Variants in KCNQ3 observed in about 807,000 individuals in gnomAD.
KCNQ3 encodes potassium voltage-gated channel subfamily Q member 3.
KCNQ3 carries 30 observed loss-of-function variants against 92.5 expected under a neutral mutation model. The observed-to-expected ratio is 0.32, with a 90% CI of 0.24 to 0.44. The LOEUF (loss-of-function observed/expected upper bound fraction) is 0.44. Among genes scored for constraint, KCNQ3 ranks in the 20% least tolerant of loss-of-function variants. KCNQ3 has a pLI of 1.00. For missense variants in KCNQ3, 913 were observed against 1,140.3 expected, an observed-to-expected ratio of 0.80 and a Z score of 2.87; for synonymous variants, 450 against 468.8, an observed-to-expected ratio of 0.96 and a Z score of 0.52.
chr8:132,372,596 A>G (rs187029686), intron 1 of KCNQ3, among the ~76,000 whole-genome samples: 137 of 152,018 alleles, frequency 9.0e-4, no homozygotes, highest in African/African-American at 3.2e-3. Context: ...TCTCTACTAA[A>G]AATACAAAAA....
intron 8 of KCNQ3, among the ~76,000 whole-genome samples, chr8:132,166,080 G>A (rs56692991): frequency 0.073 from 11,098 of 152,258 alleles, 472 homozygotes; most frequent in South Asian, 0.12. Context: ...TTTCTACATC[G>A]TGGGCGAAGT....
chr8:132,249,973 C>A (rs1345301942), intron 1 of KCNQ3, among the ~76,000 whole-genome samples: 1 of 152,152 alleles, frequency 6.6e-6, no homozygotes, highest in Non-Finnish European at 1.5e-5. Flanking sequence ...CGAGCCCATG[C>A]CCACCCGGAA....
At chr8:132,422,037 C>T (rs749019852) in intron 1 of KCNQ3, among the ~76,000 whole-genome samples, 42 of 152,196 alleles carry the variant, frequency 2.8e-4, no homozygotes, top group Non-Finnish European at 4.3e-4. Context: ...CTCAGAGCTA[C>T]AGCCTTTCTA....
At chr8:132,186,601 A>G (rs913132079) in intron 1 of KCNQ3, 21 of 315,984 alleles carry the variant, frequency 6.6e-5, no homozygotes, top group African/African-American at 4.4e-4. Context: ...ATGTTTTCTT[A>G]GAATGAAGAA....
At chr8:132,330,852 T>C (rs907271812) in intron 1 of KCNQ3, among the ~76,000 whole-genome samples, 1 of 152,180 alleles carries the variant, frequency 6.6e-6, no homozygotes, top group Non-Finnish European at 1.5e-5. Context: ...CTGTCAGTTG[T>C]TGTGTCCCAG....
intron 1 of KCNQ3, among the ~76,000 whole-genome samples, chr8:132,330,348 A>G (rs796096006): frequency 5.3e-5 from 8 of 152,350 alleles, no homozygotes; most frequent in African/African-American, 1.9e-4. Flanking sequence ...GTACTTCATT[A>G]TGGCCATCTC....
chr8:132,476,901 T>C lies in KCNQ3; in HGVS notation c.386+3246A>G, dbSNP rs2130871293. On this transcript the variant is annotated intron_variant, in intron 1 of 14. Transcript: ENST00000388996. Reference sequence around the variant, plus strand: ...CCCACCCAACTCTCGTCTCAAATTATAATACCCACATATTGTGGGAGTCGC... The same window carrying C: ...CCCACCCAACTCTCGTCTCAAATTACAATACCCACATATTGTGGGAGTCGC... Among the ~76,000 whole-genome samples the C allele has an allele frequency of 1.3e-5, 2 of 152,292 alleles. 1 individual carries two copies. The highest frequency in any genetic ancestry group is 4.1e-4 in the South Asian group (2 of 4,824).
chr8:132,352,436 T>C (rs1232368804), intron 1 of KCNQ3, among the ~76,000 whole-genome samples: 2 of 152,064 alleles, frequency 1.3e-5, no homozygotes, highest in Non-Finnish European at 2.9e-5. Context: ...TGGCCAGAAA[T>C]GTCAACAATG....
intron 1 of KCNQ3, among the ~76,000 whole-genome samples, chr8:132,341,116 C>T (rs1253256075): frequency 1.3e-5 from 2 of 152,220 alleles, no homozygotes; most frequent in East Asian, 3.9e-4. Flanking sequence ...TTCTACCGGA[C>T]AGTTCTGGTC....
rs541623305 is a variant in KCNQ3, at chr8:132,131,403, C to T, written c.1884+777G>A. ...CATGGTGCTGTGAGTGAGCGGGTTTCTCTTTCCACCTTGAATGGATCTCAC... is the reference window on the plus strand; with the variant it reads ...CATGGTGCTGTGAGTGAGCGGGTTTTTCTTTCCACCTTGAATGGATCTCAC... On this transcript the variant is annotated intron_variant, in intron 14 of 14. Coordinates refer to ENST00000388996, the MANE Select transcript of KCNQ3 (RefSeq NM_004519.4). Among the ~76,000 whole-genome samples the T allele has an allele frequency of 3.3e-5, 5 of 152,280 alleles. No individual in the cohort carries two copies. In the South Asian group the frequency reaches 1.0e-3, roughly 32 times the overall value.
chr8:132,300,789 A>C (rs1004438538), intron 1 of KCNQ3, among the ~76,000 whole-genome samples: 1 of 152,208 alleles, frequency 6.6e-6, no homozygotes, highest in Non-Finnish European at 1.5e-5. Context: ...CAACTCTGGC[A>C]GGTTAATTCT....
rs749712918 is a variant in KCNQ3, at chr8:132,137,919, C to T, written c.1666G>A (p.Asp556Asn). ...AGGTACTTTATCCTGGAAAGCATGT[C>T]GAGATGCCCGGCAGAATACTGCTCA... ...VIEQYSAGHL[D>N]MLSRIKYLQT... Residue 556 changes from aspartate (D) to asparagine (N), a missense_variant, in exon 12 of 15, where the codon GAC becomes AAC. This residue lies in a region of KCNQ3 where 182 missense variants were observed against 234.5 expected (regional missense o/e 0.78). Transcript: ENST00000388996. 2.5e-6 allele frequency: 4 copies of T among 1,613,888 alleles called. No individual in the cohort carries two copies. Among genetic ancestry groups the T allele is most frequent in the Non-Finnish European group, 3.4e-6 (4 of 1,179,996 alleles).
At position 132,285,453 on chromosome 8, in the gene KCNQ3, G is replaced by C. The variant is rs141041418; in HGVS notation, c.387-99272C>G. On this transcript the variant is annotated intron_variant, in intron 1 of 14. Transcript: ENST00000388996. ...CACTGTGTCCATGCCCTAGGGCTTT[G>C]TAGAAGGCCAAACTTAGGAGCAATG... Among the ~76,000 whole-genome samples the C allele has an allele frequency of 2.6e-5, 4 of 152,344 alleles. No individual in the cohort carries two copies. The East Asian group carries it at 7.7e-4, about 29-fold the overall frequency.
chr8:132,413,650 A>C (rs967595691), intron 1 of KCNQ3, among the ~76,000 whole-genome samples: 15 of 152,246 alleles, frequency 9.9e-5, no homozygotes, highest in Admixed American at 8.5e-4. Flanking sequence ...TGTGTGCTGC[A>C]ATGGTTAAAA....
chr8:132,217,072 C>T (rs549959796), intron 1 of KCNQ3, among the ~76,000 whole-genome samples: 56 of 152,244 alleles, frequency 3.7e-4, no homozygotes, highest in African/African-American at 1.3e-3. Context: ...AAAATTATAT[C>T]TTTTGCATCT....
chr8:132,172,799 T>C, intron 6 of KCNQ3, 106 bp from the exon 7 acceptor site: 1 of 800,244 alleles, frequency 1.2e-6, no homozygotes, highest in Admixed American at 1.8e-5. Flanking sequence ...GCACTTCAAG[T>C]CCTTGCAGTG....
chr8:132,294,879 T>C (rs1266773450), intron 1 of KCNQ3, among the ~76,000 whole-genome samples: 2 of 152,162 alleles, frequency 1.3e-5, no homozygotes, highest in African/African-American at 4.8e-5. Context: ...CCTTACACCT[T>C]ATACAAAAAT....
At chr8:132,467,370 T>G (rs1244425073) in intron 1 of KCNQ3, among the ~76,000 whole-genome samples, 1 of 152,194 alleles carries the variant, frequency 6.6e-6, no homozygotes, top group Non-Finnish European at 1.5e-5. Context: ...ACCCCACAGA[T>G]GACTTTATAA....
intron 1 of KCNQ3, among the ~76,000 whole-genome samples, chr8:132,202,740 G>A (rs115232596): frequency 1.2e-3 from 183 of 152,248 alleles, no homozygotes; most frequent in African/African-American, 3.8e-3. Flanking sequence ...TTTACCACTT[G>A]TATTACAATC....
Sources: allele counts gnomAD v4.1 joint callset (sites outside exome capture counted in the v4.1 genomes callset), GRCh38; gene constraint gnomAD v4.1.1; regional missense constraint gnomAD v4.1.1; transcripts MANE v1.5; gene names NCBI Gene and HGNC (gene_info 2026-07-23, HGNC 2026-07-21).